The following SPAST variants were observed in gnomAD, a reference collection of about 807,000 sequenced individuals.
SPAST encodes spastic paraplegia 4 (autosomal dominant; spastin).
A neutral mutation model predicts 76.6 loss-of-function variants in SPAST; 30 were observed. The ratio of observed to expected loss-of-function variants is 0.39; its 90% CI spans 0.29 to 0.53. The LOEUF (loss-of-function observed/expected upper bound fraction) is 0.53, where lower values mean the gene tolerates loss of function less well. SPAST is among the 20% of genes least tolerant of loss of function. The probability of loss-of-function intolerance (pLI) is 0.68; values close to 1 mark genes in which losing one functional copy is unlikely to be tolerated. For missense variants in SPAST, 717 were observed against 770.5 expected, an observed-to-expected ratio of 0.93 and a Z score of 0.82; for synonymous variants, 305 against 281.0, an observed-to-expected ratio of 1.09 and a Z score of -0.86.
At chr2:32,100,318 TA>T (rs1678072705) in intron 4 of SPAST, among the ~76,000 whole-genome samples, 1 of 148,152 alleles carries the variant, frequency 6.7e-6, no homozygotes, top group Non-Finnish European at 1.5e-5. Context: ...TTTTATTGGT[TA>T]CTTTTTTTTT....
At chr2:32,065,906 AGGAGG>A (rs1406474273) in intron 1 of SPAST, 1 of 152,102 alleles carries the variant, frequency 6.6e-6, no homozygotes, top group Non-Finnish European at 1.5e-5. Context: ...AGAGAGGTCA[AGGAGG>A]GTGTTAACAT....
intron 7 of SPAST, 186 bp from the exon 8 acceptor site, chr2:32,126,762 A>C (rs1679207769): frequency 5.4e-6 from 3 of 558,726 alleles, no homozygotes; most frequent in Non-Finnish European, 9.5e-6. Flanking sequence ...CTGGGATTAC[A>C]GGTGTGAGCC....
Position 32,083,404 on chromosome 2 carries a change from G to C in SPAST, c.416-4088G>C, listed in dbSNP as rs751046395. On this transcript the variant is annotated intron_variant, in intron 1 of 16. Transcript: ENST00000315285. The stretch of plus-strand genomic sequence containing the variant: ...TAATGTCATAAGAAACTACCAAACT[G>C]TTTTTCCAACTGGGTGCCATTTTGT... Among the ~76,000 whole-genome samples, 7 of 151,836 alleles carry C rather than the reference G, an allele frequency of 4.6e-5. No individual in the cohort carries two copies. The East Asian group carries it at 1.4e-3, about 29-fold the overall frequency.
intron 8 of SPAST, 117 bp from the exon 9 acceptor site, chr2:32,128,290 TG>T: frequency 1.3e-6 from 1 of 774,310 alleles, no homozygotes; most frequent in Non-Finnish European, 2.2e-6. Context: ...CCACCACACC[TG>T]GCCTCATAGC....
Position 32,064,266 on chromosome 2 carries a change from AG to A in SPAST, c.415+25del. The A allele has an allele frequency of 6.6e-6, 3 of 455,118 alleles. No individual in the cohort carries two copies. Among genetic ancestry groups the A allele is most frequent in the Non-Finnish European group, 8.7e-6 (3 of 345,362 alleles). The allele number at this position is 455,118 out of a possible 1,614,324, so 28.2% of individuals were successfully genotyped here. ...AGAAAGGTAACTAGGGGGCTGGGGG[AG>A]GGGGCGGCGGCGCCGGGAAGAAGGC... On this transcript the variant is annotated intron_variant, in intron 1 of 16. Coordinates refer to ENST00000315285, the MANE Select transcript of SPAST (RefSeq NM_014946.4).
chr2:32,147,501 G>A (rs868561742), intron 16 of SPAST, among the ~76,000 whole-genome samples: 1 of 151,566 alleles, frequency 6.6e-6, no homozygotes, highest in Non-Finnish European at 1.5e-5. Flanking sequence ...ATTTTTAGTA[G>A]AGAGGGCATT....
chr2:32,143,612 G>C (rs1188491832), intron 14 of SPAST, among the ~76,000 whole-genome samples, 197 bp downstream of exon 14: 1 of 151,970 alleles, frequency 6.6e-6, no homozygotes, highest in Non-Finnish European at 1.5e-5. Context: ...AATTTCACTG[G>C]CTATGTCCTT....
At chr2:32,114,478 A>G (rs1291617394) in intron 4 of SPAST, among the ~76,000 whole-genome samples, 160 bp from the exon 5 acceptor site, 3 of 152,128 alleles carry the variant, frequency 2.0e-5, no homozygotes, top group Admixed American at 6.5e-5. Flanking sequence ...CCTAGTGACC[A>G]CCCCTATGAA....
chr2:32,145,324 C>T (rs974654191), intron 15 of SPAST, among the ~76,000 whole-genome samples: 3 of 152,052 alleles, frequency 2.0e-5, no homozygotes, highest in Non-Finnish European at 2.9e-5. Flanking sequence ...CTTGAACTCC[C>T]GGGCTCAAGT....
chr2:32,109,297 T>A (rs1678441965), intron 4 of SPAST, among the ~76,000 whole-genome samples: 1 of 151,054 alleles, frequency 6.6e-6, no homozygotes, highest in Non-Finnish European at 1.5e-5. Context: ...TTAGTAAAGA[T>A]GGGGTTTCAC....
At chr2:32,077,554 T>A (rs1243584112) in intron 1 of SPAST, among the ~76,000 whole-genome samples, 1 of 152,184 alleles carries the variant, frequency 6.6e-6, no homozygotes, top group Non-Finnish European at 1.5e-5. Context: ...GTAAGGAGTT[T>A]GACGCCCAGA....
chr2:32,136,861 C>T lies in SPAST; in HGVS notation c.1322-16C>T, dbSNP rs1679551954. ...CTTGGTCTTTAATTAAAGTCTTATA[C>T]TTGTATTTCCTCTAGATGAAGTTGA... On this transcript the variant is annotated splice_polypyrimidine_tract_variant and intron_variant, in intron 10 of 16. Coordinates refer to ENST00000315285, the MANE Select transcript of SPAST (RefSeq NM_014946.4). 28 of 1,597,014 alleles carry T rather than the reference C, an allele frequency of 1.8e-5. No individual in the cohort carries two copies. Among genetic ancestry groups the T allele is most frequent in the Non-Finnish European group, 2.4e-5 (28 of 1,164,704 alleles).
At chr2:32,120,151 T>C (rs1184955349) in intron 7 of SPAST, among the ~76,000 whole-genome samples, 3 of 152,106 alleles carry the variant, frequency 2.0e-5, no homozygotes, top group African/African-American at 4.8e-5. Context: ...TTTCCAAATA[T>C]GATGTTATCT....
chr2:32,119,047 G>A (rs1312924033), intron 7 of SPAST, among the ~76,000 whole-genome samples: 1 of 152,198 alleles, frequency 6.6e-6, no homozygotes, highest in Non-Finnish European at 1.5e-5. Flanking sequence ...GACCTCAGGA[G>A]GGGCAGAAAC....
rs913974096 is a variant in SPAST at position 32,082,696 on chromosome 2, C to CA, written c.416-4784dup. On this transcript the variant is annotated intron_variant, in intron 1 of 16. Transcript: ENST00000315285. ...GGGCAACAAGAGCGAAATTCCATCTCAAAAAAAAAAAATCAGATCTGTCCC... is the reference window on the plus strand; with the variant it reads ...GGGCAACAAGAGCGAAATTCCATCTCAAAAAAAAAAAAATCAGATCTGTCCC... Among the ~76,000 whole-genome samples, 266 of 141,572 alleles carry CA rather than the reference C, an allele frequency of 1.9e-3. 1 individual carries two copies. The highest frequency in any genetic ancestry group is 3.7e-3 in the Middle Eastern group (1 of 270). The allele number at this position is 141,572 out of a possible 152,430, so 92.9% of individuals were successfully genotyped here. A position where few individuals can be genotyped will look rare whatever the true frequency, so the allele number is the denominator to read the frequency against.
At chr2:32,081,781 C>CAAAA (rs34078147) in intron 1 of SPAST, among the ~76,000 whole-genome samples, 608 of 44,370 alleles carry the variant, frequency 0.014, 18 homozygotes, top group African/African-American at 0.042. Context: ...GAGACACTGT[C>CAAAA]AAAAAAAAAA....
chr2:32,154,654 C>A lies in SPAST; in HGVS notation c.*158C>A. On this transcript the variant is annotated 3_prime_UTR_variant, in exon 17 of 17. Transcript: ENST00000315285. Reference sequence around the variant, plus strand: ...ACTTGAAGATGAACCAGAAAACAGACTTAAACAAAATATACAATGCAAATG... The same window carrying A: ...ACTTGAAGATGAACCAGAAAACAGAATTAAACAAAATATACAATGCAAATG... 1 of 738,914 alleles carries A rather than the reference C, an allele frequency of 1.4e-6. No individual in the cohort carries two copies. The highest frequency in any genetic ancestry group is 2.2e-6 in the Non-Finnish European group (1 of 445,836). The allele number at this position is 738,914 out of a possible 1,614,324, so 45.8% of individuals were successfully genotyped here.
At chr2:32,071,737 G>T (rs1038577591) in intron 1 of SPAST, among the ~76,000 whole-genome samples, 50 of 152,202 alleles carry the variant, frequency 3.3e-4, no homozygotes, top group African/African-American at 1.2e-3. Flanking sequence ...CTTATCTAAA[G>T]TCCTGGAATC....
At chr2:32,110,454 TTTAG>T (rs1182272280) in intron 4 of SPAST, among the ~76,000 whole-genome samples, 1 of 146,322 alleles carries the variant, frequency 6.8e-6, no homozygotes, top group Non-Finnish European at 1.5e-5. Context: ...TATAGTTATT[TTTAG>T]TTATATCAAA....
Sources: gnomAD v4.1 joint callset for allele counts (sites outside exome capture counted in the v4.1 genomes callset) on GRCh38, gnomAD v4.1.1 for gene constraint, MANE v1.5 for transcripts, NCBI Gene and HGNC (gene_info 2026-07-23, HGNC 2026-07-21) for gene names.